The following GARNL3 variants were observed in gnomAD, a reference collection of about 807,000 sequenced individuals.
GARNL3 encodes GTPase activating Rap/RanGAP domain like 3, also known as GTPase-activating Rap/Ran-GAP domain-like protein 3.
GARNL3 carries 63 observed loss-of-function variants against 125.0 expected under a neutral mutation model. The observed-to-expected ratio is 0.50, with a 90% CI of 0.41 to 0.62. The LOEUF (loss-of-function observed/expected upper bound fraction) is 0.62. Ranked by LOEUF, GARNL3 falls within the 20% of genes least tolerant of loss-of-function variation. The pLI is 0.00. For synonymous variants in GARNL3, 439 were observed against 457.5 expected, an observed-to-expected ratio of 0.96 and a Z score of 0.52; for missense variants, 994 against 1,244.0, an observed-to-expected ratio of 0.80 and a Z score of 3.02.
intron 22 of GARNL3, among the ~76,000 whole-genome samples, chr9:127,379,073 C>T (rs939083384): frequency 3.9e-5 from 6 of 152,124 alleles, no homozygotes; most frequent in Admixed American, 2.6e-4. Context: ...CCACTGAGCC[C>T]GGACAACAGT....
intron 24 of GARNL3, 67 bp from the exon 25 acceptor site, chr9:127,387,126 A>G (rs1832581455): frequency 1.3e-6 from 2 of 1,527,218 alleles, no homozygotes; most frequent in Middle Eastern, 2.0e-4. Flanking sequence ...CAGTGATGGC[A>G]GGAGGGCCAG....
At chr9:127,339,195 G>A (rs1829722839) in intron 12 of GARNL3, among the ~76,000 whole-genome samples, 1 of 152,044 alleles carries the variant, frequency 6.6e-6, no homozygotes, top group African/African-American at 2.4e-5. Flanking sequence ...TACTTGGGAG[G>A]CTGAGGCAGG....
intron 4 of GARNL3, among the ~76,000 whole-genome samples, chr9:127,316,120 A>G (rs2065234171): frequency 6.6e-6 from 1 of 152,226 alleles, no homozygotes; most frequent in Non-Finnish European, 1.5e-5. Context: ...ACACAAATCC[A>G]CAATCCCAGG....
intron 1 of GARNL3, among the ~76,000 whole-genome samples, chr9:127,274,470 A>C (rs1197760618): frequency 6.6e-6 from 1 of 152,072 alleles, no homozygotes; most frequent in Non-Finnish European, 1.5e-5. Flanking sequence ...AGTTACAGGC[A>C]CCCCACTCCC....
At chr9:127,366,616 TA>T (rs1831300658) in intron 22 of GARNL3, among the ~76,000 whole-genome samples, 2 of 152,240 alleles carry the variant, frequency 1.3e-5, no homozygotes, top group Non-Finnish European at 2.9e-5. Flanking sequence ...GGATTTTTTT[TA>T]TCCTTTAACC....
chr9:127,325,371 T>C (rs41486950), intron 7 of GARNL3, among the ~76,000 whole-genome samples: 20,387 of 152,260 alleles, frequency 0.13, 1,766 homozygotes, highest in East Asian at 0.21. Flanking sequence ...GGGTGAGTAA[T>C]GAGGTTTTAA....
intron 22 of GARNL3, among the ~76,000 whole-genome samples, chr9:127,380,788 G>T (rs1160710282): frequency 1.3e-5 from 2 of 152,250 alleles, no homozygotes; most frequent in Non-Finnish European, 2.9e-5. Flanking sequence ...GAAATGGGGA[G>T]TGAGGTTTCA....
chr9:127,248,978 G>A (rs1054343702), intron 2 of GARNL3, among the ~76,000 whole-genome samples: 2 of 147,614 alleles, frequency 1.4e-5, no homozygotes, highest in Non-Finnish European at 3.0e-5. Context: ...AGACAAGAAA[G>A]GGTTGGTTTA....
rs1015721653 is a variant in GARNL3, at chr9:127,383,363, G to A, written c.2162-75G>A. The A allele has an allele frequency of 1.0e-5, 9 of 903,886 alleles. No individual in the cohort carries two copies. In the African/African-American group the frequency reaches 1.2e-4, roughly 12 times the overall value. The allele number at this position is 903,886 out of a possible 1,614,324, so 56.0% of individuals were successfully genotyped here. ...AGATAGGGTACTATTCTTGTTGCCTGTTTTTCATTTCTTTAATTACAGTCA... is the reference window on the plus strand; with the variant it reads ...AGATAGGGTACTATTCTTGTTGCCTATTTTTCATTTCTTTAATTACAGTCA... On this transcript the variant is annotated intron_variant, in intron 22 of 27. Coordinates refer to ENST00000373387, the MANE Select transcript of GARNL3 (RefSeq NM_032293.5).
chr9:127,264,873 T>A lies in GARNL3; in HGVS notation c.-5T>A. ...AAGTCTGTTCCATAGCAGCCCTTTTTGCAAATGGTAGTTGATTTTTGCAGA... is the reference window on the plus strand; with the variant it reads ...AAGTCTGTTCCATAGCAGCCCTTTTAGCAAATGGTAGTTGATTTTTGCAGA... On this transcript the variant is annotated 5_prime_UTR_variant, in exon 1 of 28. Transcript: ENST00000373387. 6.3e-7 allele frequency: 1 copy of A among 1,574,916 alleles called. No individual in the cohort carries two copies. The highest frequency in any genetic ancestry group is 2.3e-5 in the East Asian group (1 of 42,904).
chr9:127,291,776 G>A (rs959408442), intron 2 of GARNL3, among the ~76,000 whole-genome samples: 12 of 137,250 alleles, frequency 8.7e-5, no homozygotes, highest in African/African-American at 3.3e-4. Flanking sequence ...ATCCCACGGG[G>A]TCTACCCTTT....
At chr9:127,308,469 C>T (rs1267447843) in intron 2 of GARNL3, among the ~76,000 whole-genome samples, 1 of 151,972 alleles carries the variant, frequency 6.6e-6, no homozygotes, top group Non-Finnish European at 1.5e-5. Flanking sequence ...ATCTGTTTAC[C>T]AAACCCCTGC....
rs760199938 is a variant in GARNL3 at position 127,309,659 on chromosome 9, G to A, written c.220-1977G>A. Among the ~76,000 whole-genome samples, 12 of 152,156 alleles carry A rather than the reference G, an allele frequency of 7.9e-5. 1 individual carries two copies. The highest frequency in any genetic ancestry group is 5.9e-4 in the Admixed American group (9 of 15,276). On this transcript the variant is annotated intron_variant, in intron 2 of 27. Coordinates refer to ENST00000373387, the MANE Select transcript of GARNL3 (RefSeq NM_032293.5). ...GTAAGAACCTTTCAATGCCAGAAGA[G>A]CTATTACTATATTCATTATTCATTC...
chr9:127,344,511 G>A (rs1260939230), intron 15 of GARNL3, 172 bp downstream of exon 15: 2 of 607,358 alleles, frequency 3.3e-6, no homozygotes, highest in Non-Finnish European at 6.0e-6. Context: ...AGTAGGTGCA[G>A]TTCTCTGCAG....
chr9:127,391,533 A>AAAAAAAAAAAAATATATATAT, intron 27 of GARNL3, among the ~76,000 whole-genome samples: 1 of 75,872 alleles, frequency 1.3e-5, no homozygotes, highest in Non-Finnish European at 3.2e-5. Context: ...ACAAAAAAAA[A>AAAAAAAAAAAAATATATATAT]ATATATATAT....
chr9:127,280,386 C>T lies in GARNL3; in HGVS notation c.145-10782C>T, dbSNP rs1361628720. 1.3e-5 allele frequency among the ~76,000 whole-genome samples: 2 copies of T among 152,144 alleles called. No individual in the cohort carries two copies. The highest frequency in any genetic ancestry group is 2.9e-5 in the Non-Finnish European group (2 of 68,026). On this transcript the variant is annotated intron_variant, in intron 1 of 27. Coordinates refer to ENST00000373387, the MANE Select transcript of GARNL3 (RefSeq NM_032293.5). The surrounding 1 kb of genome is among the most constrained non-coding windows in gnomAD (Gnocchi z 4.5). ...GAGGTGCTTGTACGAGTGAGGCTAC[C>T]TCAAAATGCAGTGTCCATGCAGTAA...
intron 22 of GARNL3, among the ~76,000 whole-genome samples, chr9:127,367,882 G>A (rs1187740234): frequency 6.6e-6 from 1 of 151,992 alleles, no homozygotes; most frequent in Non-Finnish European, 1.5e-5. Context: ...TAAGTACTAA[G>A]CAGGATGATA....
chr9:127,313,404 A>G (rs1417804410), intron 3 of GARNL3, 37 bp from the exon 4 acceptor site: 3 of 1,402,626 alleles, frequency 2.1e-6, no homozygotes, highest in Admixed American at 3.3e-5. Context: ...TGGCAGGATC[A>G]GTTGCATTCT....
chr9:127,372,590 T>C (rs1220488939), intron 22 of GARNL3, among the ~76,000 whole-genome samples: 1 of 152,208 alleles, frequency 6.6e-6, no homozygotes, highest in Non-Finnish European at 1.5e-5. Flanking sequence ...TAGCTCTACA[T>C]AGTGTAATAT....
Sources: allele counts gnomAD v4.1 joint callset (sites outside exome capture counted in the v4.1 genomes callset), GRCh38; gene constraint gnomAD v4.1.1; non-coding constraint Gnocchi (gnomAD v3.1); transcripts MANE v1.5; gene names NCBI Gene and HGNC (gene_info 2026-07-23, HGNC 2026-07-21).